FAM168A: variants seen among roughly 807,000 people sequenced by gnomAD.
FAM168A encodes the protein family with sequence similarity 168 member A.
In FAM168A, 3 loss-of-function variants were observed where a neutral mutation model predicts 28.5. That is an observed-to-expected ratio of 0.11 (90% CI 0.05 to 0.27). The LOEUF (loss-of-function observed/expected upper bound fraction) is 0.27, where lower values mean the gene tolerates loss of function less well. FAM168A is among the 10% of genes least tolerant of loss of function. FAM168A has a pLI of 1.00. For missense variants in FAM168A, 222 were observed against 311.5 expected (o/e 0.71, Z 2.16); for synonymous variants, 122 against 124.2 (o/e 0.98, Z 0.12).
At chr11:73,520,724 T>C (rs1290477498) in intron 1 of FAM168A, among the ~76,000 whole-genome samples, 1 of 152,062 alleles carries the variant, frequency 6.6e-6, no homozygotes, top group Non-Finnish European at 1.5e-5. Flanking sequence ...CTGTCTAAAA[T>C]GAAACTCAGC....
intron 2 of FAM168A, among the ~76,000 whole-genome samples, chr11:73,431,206 G>A (rs1283837335): frequency 1.3e-5 from 2 of 152,110 alleles, no homozygotes; most frequent in African/African-American, 4.8e-5. Context: ...GCCAGGCGTG[G>A]TGGTGGGCGC....
At chr11:73,501,585 T>A (rs1199299179) in intron 1 of FAM168A, among the ~76,000 whole-genome samples, 3 of 152,220 alleles carry the variant, frequency 2.0e-5, no homozygotes, top group Non-Finnish European at 4.4e-5. Context: ...TGCTCCTGAA[T>A]GACTCCTGGG....
At chr11:73,560,641 G>C (rs572252827) in intron 1 of FAM168A, among the ~76,000 whole-genome samples, 1 of 152,278 alleles carries the variant, frequency 6.6e-6, no homozygotes, top group Admixed American at 6.5e-5. Context: ...TATTAAAACA[G>C]CTAAATTTAA....
At chr11:73,534,700 G>A (rs75871109) in intron 1 of FAM168A, among the ~76,000 whole-genome samples, 5,959 of 152,090 alleles carry the variant, frequency 0.039, 403 homozygotes, top group African/African-American at 0.14. Flanking sequence ...CACCACACCC[G>A]GCAGTACCAT....
At chr11:73,502,211 G>A (rs1005851719) in intron 1 of FAM168A, among the ~76,000 whole-genome samples, 17 of 150,232 alleles carry the variant, frequency 1.1e-4, no homozygotes, top group Non-Finnish European at 3.0e-5. Context: ...AACAAATCCA[G>A]GAGCTGGTTT....
Position 73,419,836 on chromosome 11 carries a change from A to G in FAM168A, c.277+38T>C, listed in dbSNP as rs374781196. The G allele has an allele frequency of 4.9e-4, 793 of 1,611,880 alleles. 5 individuals are homozygous for G. In the South Asian group the frequency reaches 8.2e-3, roughly 17 times the overall value. ...CTTCCTAAGAAACAAATCAGTCCCA[A>G]CCAAGGGGAACAAGGAAATGAGACA... On this transcript the variant is annotated intron_variant, in intron 4 of 7. Transcript: ENST00000356467.
chr11:73,565,344 A>C (rs1944009391), intron 1 of FAM168A, among the ~76,000 whole-genome samples: 1 of 152,204 alleles, frequency 6.6e-6, no homozygotes, highest in Non-Finnish European at 1.5e-5. Context: ...CAGTAAGCTA[A>C]ATTGAGACCA....
At chr11:73,411,108 T>C (rs901141370) in intron 5 of FAM168A, among the ~76,000 whole-genome samples, 3 of 152,230 alleles carry the variant, frequency 2.0e-5, no homozygotes, top group African/African-American at 7.2e-5. Context: ...GTTTCCTCAC[T>C]TGTTTAACAA....
In FAM168A at chr11:73,403,961, G is replaced by A. The variant is rs1866457790; in HGVS notation, c.*2802C>T. The A allele has an allele frequency of 6.6e-6, 1 of 152,248 alleles. No individual in the cohort carries two copies. The highest frequency in any genetic ancestry group is 6.5e-5 in the Admixed American group (1 of 15,290). 9.4% of individuals were successfully genotyped at this position (152,248 alleles called of 1,614,324 possible). A position where few individuals can be genotyped will look rare whatever the true frequency, so the allele number is the denominator to read the frequency against. ...ACGTGAGCCTGTGTGGGGATCAGAT[G>A]GAGGGGAACGAGACAGCAGACAGCC... On this transcript the variant is annotated 3_prime_UTR_variant, in exon 8 of 8. Transcript: ENST00000356467.
chr11:73,431,025 T>G (rs962272980), intron 2 of FAM168A, among the ~76,000 whole-genome samples: 1 of 151,938 alleles, frequency 6.6e-6, no homozygotes, highest in Non-Finnish European at 1.5e-5. Context: ...AGAAATATTC[T>G]ATATGCTCAC....
At chr11:73,501,082 CA>C (rs1337508418) in intron 1 of FAM168A, among the ~76,000 whole-genome samples, 1 of 150,680 alleles carries the variant, frequency 6.6e-6, no homozygotes, top group Non-Finnish European at 1.5e-5. Context: ...CAACAAAGAT[CA>C]AAAAAGACAA....
Position 73,506,005 on chromosome 11 carries a change from T to C in FAM168A, c.-18-37513A>G, listed in dbSNP as rs192003502. On this transcript the variant is annotated intron_variant, in intron 1 of 7. Coordinates refer to ENST00000356467, the MANE Select transcript of FAM168A (RefSeq NM_015159.3). ...TCTCTAGGTTAATGGATTAACCAAA[T>C]AAGTTAAAGGCATAGGCTGTTAACC... Among the ~76,000 whole-genome samples, 10 of 152,282 alleles carry C rather than the reference T, an allele frequency of 6.6e-5. No homozygotes were observed. The East Asian group carries it at 1.9e-3, about 29-fold the overall frequency.
intron 1 of FAM168A, among the ~76,000 whole-genome samples, chr11:73,593,754 T>C (rs1027884316): frequency 6.6e-6 from 1 of 152,246 alleles, no homozygotes; most frequent in Non-Finnish European, 1.5e-5. Context: ...TGCTTTCCAT[T>C]GATTATCTTA....
intron 1 of FAM168A, among the ~76,000 whole-genome samples, chr11:73,526,868 C>CAAAAA (rs61073226): frequency 4.2e-4 from 22 of 51,892 alleles, no homozygotes; most frequent in East Asian, 8.5e-4. Flanking sequence ...GACTCCATCT[C>CAAAAA]AAAAAAAAAA....
intron 2 of FAM168A, among the ~76,000 whole-genome samples, chr11:73,461,122 CT>C (rs886889582): frequency 7.2e-4 from 107 of 148,472 alleles, no homozygotes; most frequent in Non-Finnish European, 1.4e-3. Context: ...CATTGTCAAT[CT>C]TTTTTTTTTA....
chr11:73,461,764 AG>A (rs1216470200), intron 2 of FAM168A, among the ~76,000 whole-genome samples: 4 of 152,222 alleles, frequency 2.6e-5, no homozygotes, highest in Non-Finnish European at 5.9e-5. Context: ...GACTGGGGAC[AG>A]GGGTATATGA....
chr11:73,495,861 C>T (rs1854863363), intron 1 of FAM168A, among the ~76,000 whole-genome samples: 1 of 152,150 alleles, frequency 6.6e-6, no homozygotes, highest in African/African-American at 2.4e-5. Flanking sequence ...GAAAACAATA[C>T]AGAGGTTCCT....
chr11:73,497,982 GT>G (rs1177912624), intron 1 of FAM168A, among the ~76,000 whole-genome samples: 1 of 151,964 alleles, frequency 6.6e-6, no homozygotes, highest in Admixed American at 6.6e-5. Context: ...TTTAACAAAT[GT>G]TTATTGCTTA....
At chr11:73,444,109 C>A (rs1451920076) in intron 2 of FAM168A, among the ~76,000 whole-genome samples, 1 of 152,194 alleles carries the variant, frequency 6.6e-6, no homozygotes, top group Admixed American at 6.5e-5. Context: ...GACATAATAT[C>A]ATAGAAAAGT....
Sources: gnomAD v4.1 joint callset for allele counts (sites outside exome capture counted in the v4.1 genomes callset) on GRCh38, gnomAD v4.1.1 for gene constraint, MANE v1.5 for transcripts, NCBI Gene and HGNC (gene_info 2026-07-23, HGNC 2026-07-21) for gene names.